PAPPA2: variants seen among roughly 807,000 people sequenced by gnomAD.
PAPPA2 encodes pappalysin-2.
Under a neutral mutation model 176.4 loss-of-function variants are expected in PAPPA2, and 86 were observed. The observed-to-expected ratio is 0.49, with a 90% confidence interval of 0.41 to 0.58. The LOEUF (loss-of-function observed/expected upper bound fraction) is 0.58, where lower values mean the gene tolerates loss of function less well. Among genes scored for constraint, PAPPA2 ranks in the 20% least tolerant of loss-of-function variants. PAPPA2 has a pLI of 0.00. For synonymous variants in PAPPA2, 809 were observed against 852.2 expected, an observed-to-expected ratio of 0.95 and a Z score of 0.88; for missense variants, 2,073 against 2,256.9, an observed-to-expected ratio of 0.92 and a Z score of 1.65.
chr1:176,747,995 CAAAG>C (rs1663003144), intron 14 of PAPPA2, among the ~76,000 whole-genome samples: 1 of 152,180 alleles, frequency 6.6e-6, no homozygotes, highest in Admixed American at 6.5e-5. Context: ...GCCAACAAGA[CAAAG>C]AGTCTCTCAG....
In PAPPA2 at chr1:176,467,175, G is replaced by GC. The variant is rs1651663558; in HGVS notation, c.-917+3758dup. Among the ~76,000 whole-genome samples, 6 of 152,218 alleles carry GC rather than the reference G, an allele frequency of 3.9e-5. No homozygotes were observed. In the South Asian group the frequency reaches 1.2e-3, roughly 32 times the overall value. Reference sequence around the variant, plus strand: ...TACTGTACTGAATACTGTGGCAGTTGCAACACAATGACATTTGTGTATCTA... The same window carrying GC: ...TACTGTACTGAATACTGTGGCAGTTGCCAACACAATGACATTTGTGTATCTA... On this transcript the variant is annotated intron_variant, in intron 1 of 22. Transcript: ENST00000367662.
intron 12 of PAPPA2, among the ~76,000 whole-genome samples, chr1:176,737,583 T>C (rs572174518): frequency 6.6e-6 from 1 of 152,212 alleles, no homozygotes; most frequent in East Asian, 1.9e-4. Context: ...TTGTGTAGCC[T>C]AAGACTCCTC....
chr1:176,581,582 T>A (rs1652962681), intron 2 of PAPPA2, among the ~76,000 whole-genome samples: 1 of 152,162 alleles, frequency 6.6e-6, no homozygotes, highest in African/African-American at 2.4e-5. Context: ...ATTCTTTAAA[T>A]CCATTAATAT....
intron 12 of PAPPA2, among the ~76,000 whole-genome samples, chr1:176,730,391 G>A (rs1314755094): frequency 6.6e-6 from 1 of 151,480 alleles, no homozygotes; most frequent in Non-Finnish European, 1.5e-5. Context: ...TGCAAATTTA[G>A]TGCTGATATT....
chr1:176,792,763 A>G (rs1665239779), intron 19 of PAPPA2, among the ~76,000 whole-genome samples: 3 of 152,166 alleles, frequency 2.0e-5, no homozygotes, highest in Admixed American at 6.5e-5. Flanking sequence ...AAAAACATAG[A>G]AACCTAGACA....
chr1:176,658,506 T>C (rs958437335), intron 3 of PAPPA2, among the ~76,000 whole-genome samples: 2 of 152,038 alleles, frequency 1.3e-5, no homozygotes, highest in African/African-American at 4.8e-5. Flanking sequence ...TGTATTTAGA[T>C]TAGACTTAAT....
chr1:176,637,007 G>T (rs893863316), intron 3 of PAPPA2, among the ~76,000 whole-genome samples: 1 of 152,080 alleles, frequency 6.6e-6, no homozygotes, highest in Non-Finnish European at 1.5e-5. Flanking sequence ...TGAAGAGGTA[G>T]GAATTAGATT....
chr1:176,734,724 A>G (rs564555057), intron 12 of PAPPA2, among the ~76,000 whole-genome samples: 1 of 152,276 alleles, frequency 6.6e-6, no homozygotes, highest in African/African-American at 2.4e-5. Context: ...TAGCAATAGT[A>G]TTAGGTTGAA....
intron 1 of PAPPA2, among the ~76,000 whole-genome samples, chr1:176,538,881 T>C (rs80350248): frequency 0.14 from 21,275 of 152,136 alleles, 1,670 homozygotes; most frequent in African/African-American, 0.19. Context: ...TGTTTTTGCT[T>C]GGCCTCACAG....
intron 3 of PAPPA2, among the ~76,000 whole-genome samples, chr1:176,600,378 A>G (rs1167301982): frequency 6.6e-6 from 1 of 152,164 alleles, no homozygotes; most frequent in Non-Finnish European, 1.5e-5. Flanking sequence ...TATTATTACA[A>G]TTAAATCACA....
chr1:176,640,054 G>T (rs1414704915), intron 3 of PAPPA2, among the ~76,000 whole-genome samples: 1 of 151,620 alleles, frequency 6.6e-6, no homozygotes, highest in Non-Finnish European at 1.5e-5. Flanking sequence ...ATTATCTCAG[G>T]TTATTCAAAT....
At chr1:176,638,629 A>G (rs1344853325) in intron 3 of PAPPA2, among the ~76,000 whole-genome samples, 1 of 152,048 alleles carries the variant, frequency 6.6e-6, no homozygotes, top group Non-Finnish European at 1.5e-5. Context: ...GGCGCACTGT[A>G]GATGAACAGG....
chr1:176,724,527 C>T (rs1029787915), intron 12 of PAPPA2, among the ~76,000 whole-genome samples: 3 of 152,146 alleles, frequency 2.0e-5, no homozygotes, highest in Admixed American at 6.5e-5. Flanking sequence ...GGAATGGTCT[C>T]GTTCAGGCTG....
intron 14 of PAPPA2, among the ~76,000 whole-genome samples, chr1:176,752,342 T>TAAAAAAAA (rs58591760): frequency 7.3e-5 from 7 of 96,484 alleles, no homozygotes; most frequent in African/African-American, 2.2e-4. Flanking sequence ...TAGAGTATAA[T>TAAAAAAAA]AAAAAAAAAA....
intron 1 of PAPPA2, among the ~76,000 whole-genome samples, chr1:176,521,921 A>G (rs1367098073): frequency 6.6e-6 from 1 of 152,178 alleles, no homozygotes; most frequent in Non-Finnish European, 1.5e-5. Context: ...GCTGGTTTTC[A>G]TGTTAGTATT....
intron 3 of PAPPA2, among the ~76,000 whole-genome samples, chr1:176,618,105 G>GAGATATTGAAGCT: frequency 1.3e-5 from 2 of 152,200 alleles, no homozygotes; most frequent in African/African-American, 4.8e-5. Context: ...GTTGCATCAT[G>GAGATATTGAAGCT]AAAGACAATT....
chr1:176,634,543 A>G (rs888304861), intron 3 of PAPPA2, among the ~76,000 whole-genome samples: 2 of 152,078 alleles, frequency 1.3e-5, no homozygotes, highest in African/African-American at 4.8e-5. Context: ...TACATATGTA[A>G]TAAACCTGCA....
intron 17 of PAPPA2, among the ~76,000 whole-genome samples, chr1:176,779,242 G>C (rs1344978011): frequency 3.9e-5 from 6 of 152,002 alleles, no homozygotes; most frequent in Non-Finnish European, 7.4e-5. Context: ...TTCACCCCCT[G>C]CTGCTCTTTC....
At chr1:176,618,744 G>A (rs1445912447) in intron 3 of PAPPA2, among the ~76,000 whole-genome samples, 3 of 152,152 alleles carry the variant, frequency 2.0e-5, no homozygotes, top group Non-Finnish European at 2.9e-5. Flanking sequence ...GTATGTGTGA[G>A]GCACTAGGAT....
Sources: allele counts gnomAD v4.1 joint callset (sites outside exome capture counted in the v4.1 genomes callset), GRCh38; gene constraint gnomAD v4.1.1; transcripts MANE v1.5; gene names NCBI Gene and HGNC (gene_info 2026-07-23, HGNC 2026-07-21).